Variants in PPP2R5E observed in about 807,000 individuals in gnomAD.
PPP2R5E encodes serine/threonine-protein phosphatase 2A 56 kDa regulatory subunit epsilon isoform.
PPP2R5E carries 4 observed loss-of-function variants against 65.3 expected under a neutral mutation model. The ratio of observed to expected loss-of-function variants is 0.06; its 90% CI spans 0.03 to 0.14. PPP2R5E has a LOEUF of 0.14. PPP2R5E is among the 10% of genes least tolerant of loss of function. The pLI, the probability that PPP2R5E is intolerant of heterozygous loss-of-function variation, is 1.00. For synonymous variants in PPP2R5E, 183 were observed against 187.4 expected, an observed-to-expected ratio of 0.98 and a Z score of 0.19; for missense variants, 274 against 556.1, an observed-to-expected ratio of 0.49 and a Z score of 5.10.
At chr14:63,463,037 G>A (rs8022747) in intron 2 of PPP2R5E, among the ~76,000 whole-genome samples, 4,172 of 149,468 alleles carry the variant, frequency 0.028, 183 homozygotes, top group African/African-American at 0.094. Flanking sequence ...GGGAGGCGGA[G>A]GTTGTGGTGA....
intron 2 of PPP2R5E, among the ~76,000 whole-genome samples, chr14:63,519,214 C>CA (rs951879507): frequency 6.9e-5 from 10 of 144,312 alleles, no homozygotes; most frequent in East Asian, 4.0e-4. Context: ...GACTCCGTCT[C>CA]AAAAAAAAAG....
chr14:63,465,464 A>C (rs1052168352), intron 2 of PPP2R5E, among the ~76,000 whole-genome samples: 1 of 133,452 alleles, frequency 7.5e-6, no homozygotes, highest in Non-Finnish European at 1.5e-5. Flanking sequence ...AAAAAAAAAA[A>C]AAAAAAAAAC....
intron 3 of PPP2R5E, chr14:63,452,511 T>C (rs901346329): frequency 6.6e-6 from 1 of 152,124 alleles, no homozygotes; most frequent in African/African-American, 2.4e-5. Flanking sequence ...CTGACAAATG[T>C]CCCCTGTAAG....
chr14:63,389,642 G>T lies in PPP2R5E; in HGVS notation c.1044C>A (p.Ile348=). The T allele has an allele frequency of 1.2e-6, 2 of 1,610,906 alleles. No homozygotes were observed. Among genetic ancestry groups the T allele is most frequent in the Non-Finnish European group, 1.7e-6 (2 of 1,179,246 alleles). The change falls in exon 11 of 14, where the codon ATC becomes ATA. Residue 348 remains isoleucine (I), a synonymous_variant. Coordinates refer to ENST00000337537, the MANE Select transcript of PPP2R5E (RefSeq NM_006246.5). ...VKIQEPLFKQ[I]AKCVSSPHFQ... is the part of the protein sequence containing the mutation. ...AATGGGGGCTAGATACACACTTGGCGATTTGTTTAAACAAAGGTTCTTGGA... is the reference window on the plus strand; with the variant it reads ...AATGGGGGCTAGATACACACTTGGCTATTTGTTTAAACAAAGGTTCTTGGA...
chr14:63,430,397 A>ACATACATACATGCATG (rs1412861430), intron 3 of PPP2R5E, among the ~76,000 whole-genome samples: 9 of 137,126 alleles, frequency 6.6e-5, no homozygotes, highest in African/African-American at 2.8e-4. Flanking sequence ...ATACATACAT[A>ACATACATACATGCATG]CATGCATACA....
chr14:63,470,942 G>A (rs1404925363), intron 2 of PPP2R5E, among the ~76,000 whole-genome samples: 1 of 152,068 alleles, frequency 6.6e-6, no homozygotes, highest in African/African-American at 2.4e-5. Context: ...TATTACAAAG[G>A]TGACCAAGCA....
At chr14:63,524,010 T>C (rs965749749) in intron 2 of PPP2R5E, among the ~76,000 whole-genome samples, 3 of 152,210 alleles carry the variant, frequency 2.0e-5, no homozygotes, top group African/African-American at 4.8e-5. Flanking sequence ...TGCCCTACTA[T>C]TGCCAGATAT....
At chr14:63,431,497 A>G (rs1887669867) in intron 3 of PPP2R5E, among the ~76,000 whole-genome samples, 1 of 152,214 alleles carries the variant, frequency 6.6e-6, no homozygotes, top group Non-Finnish European at 1.5e-5. Context: ...TTGAGTCAAA[A>G]CAATCTCCTC....
chr14:63,435,041 GAT>G (rs1244741719), intron 3 of PPP2R5E, among the ~76,000 whole-genome samples: 2 of 152,066 alleles, frequency 1.3e-5, no homozygotes, highest in Non-Finnish European at 2.9e-5. Flanking sequence ...ACATCATAAT[GAT>G]AATGTATATA....
At chr14:63,525,520 C>G (rs1414725596) in intron 2 of PPP2R5E, among the ~76,000 whole-genome samples, 1 of 152,204 alleles carries the variant, frequency 6.6e-6, no homozygotes, top group African/African-American at 2.4e-5. Flanking sequence ...AATTCTGTCT[C>G]CACTCTGAGT....
At chr14:63,461,847 TAC>T (rs10695748) in intron 2 of PPP2R5E, among the ~76,000 whole-genome samples, 4 of 150,774 alleles carry the variant, frequency 2.7e-5, no homozygotes, top group Non-Finnish European at 4.4e-5. Flanking sequence ...CCCTCACACA[TAC>T]ACACACACAC....
At chr14:63,528,972 TA>T (rs1284464419) in intron 2 of PPP2R5E, among the ~76,000 whole-genome samples, 1 of 152,050 alleles carries the variant, frequency 6.6e-6, no homozygotes, top group Admixed American at 6.6e-5. Flanking sequence ...ATAAAATAAT[TA>T]AAGATTATAA....
At chr14:63,406,196 G>C (rs1483796248) in intron 5 of PPP2R5E, among the ~76,000 whole-genome samples, 1 of 152,104 alleles carries the variant, frequency 6.6e-6, no homozygotes, top group Non-Finnish European at 1.5e-5. Context: ...CAGATCACGA[G>C]GTCAGGAGTT....
At chr14:63,414,154 A>G (rs1272894623) in intron 5 of PPP2R5E, among the ~76,000 whole-genome samples, 2 of 152,224 alleles carry the variant, frequency 1.3e-5, no homozygotes, top group Non-Finnish European at 2.9e-5. Flanking sequence ...AAAATTGGCT[A>G]TGGTTCAACC....
chr14:63,431,044 C>T (rs1044570289), intron 3 of PPP2R5E, among the ~76,000 whole-genome samples: 4 of 152,084 alleles, frequency 2.6e-5, no homozygotes, highest in African/African-American at 9.7e-5. Flanking sequence ...CCAAGGCAGG[C>T]AGATCACAAG....
intron 8 of PPP2R5E, among the ~76,000 whole-genome samples, 163 bp downstream of exon 8, chr14:63,393,657 A>G (rs1885153667): frequency 6.6e-6 from 1 of 152,120 alleles, no homozygotes; most frequent in Non-Finnish European, 1.5e-5. Flanking sequence ...GGCTGCAGTG[A>G]GCCAAGACTG....
At position 63,371,791 on chromosome 14, in the gene PPP2R5E, A is replaced by C. The variant is rs576097186; in HGVS notation, c.*4218T>G. ...ACCGATCATGAACCACAGCATTACTAACAGGGAAAATGAACTTTTGCTGCC... is the reference window on the plus strand; with the variant it reads ...ACCGATCATGAACCACAGCATTACTCACAGGGAAAATGAACTTTTGCTGCC... On this transcript the variant is annotated 3_prime_UTR_variant, in exon 14 of 14. Coordinates refer to ENST00000337537, the MANE Select transcript of PPP2R5E (RefSeq NM_006246.5). 2 of 152,298 alleles carry C rather than the reference A, an allele frequency of 1.3e-5. No homozygotes were observed. The highest frequency in any genetic ancestry group is 4.8e-5 in the African/African-American group (2 of 41,582). 9.4% of individuals were successfully genotyped at this position (152,298 alleles called of 1,614,324 possible).
chr14:63,448,715 G>A (rs568678845), intron 3 of PPP2R5E, among the ~76,000 whole-genome samples: 7 of 151,654 alleles, frequency 4.6e-5, no homozygotes, highest in South Asian at 4.2e-4. Flanking sequence ...CTTAAACCCC[G>A]GAGGCGGGAG....
At position 63,395,389 on chromosome 14, in the gene PPP2R5E, AG is replaced by A. The variant is rs1478247437; in HGVS notation, c.681-105del. On this transcript the variant is annotated intron_variant, in intron 6 of 13. Coordinates refer to ENST00000337537, the MANE Select transcript of PPP2R5E (RefSeq NM_006246.5). ...GGAGAAGGGGGAGGAGGAGGAGAAG[AG>A]GAGGAGGAGGAGGAGAGCGGGGAAG... The A allele has an allele frequency of 2.0e-5, 5 of 247,426 alleles. No homozygotes were observed. In the African/African-American group the frequency reaches 2.5e-4, roughly 12 times the overall value. 15.3% of individuals were successfully genotyped at this position (247,426 alleles called of 1,614,324 possible).
Sources: gnomAD v4.1 joint callset for allele counts (sites outside exome capture counted in the v4.1 genomes callset) on GRCh38, gnomAD v4.1.1 for gene constraint, MANE v1.5 for transcripts, NCBI Gene and HGNC (gene_info 2026-07-23, HGNC 2026-07-21) for gene names.